Variants in ADAMTS8 observed in about 807,000 individuals in gnomAD.
ADAMTS8 encodes ADAM metallopeptidase with thrombospondin type 1 motif 8.
ADAMTS8 carries 50 observed loss-of-function variants against 64.4 expected under a neutral mutation model. The ratio of observed to expected loss-of-function variants is 0.78; its 90% CI spans 0.62 to 0.98. The LOEUF is 0.98. Among genes scored for constraint, ADAMTS8 ranks in the 50% least tolerant of loss-of-function variants. The probability of loss-of-function intolerance (pLI) is 0.00; values close to 1 mark genes in which losing one functional copy is unlikely to be tolerated. For synonymous variants in ADAMTS8, 556 were observed against 533.6 expected (o/e 1.04, Z -0.58); for missense variants, 1,192 against 1,208.2 (o/e 0.99, Z 0.20).
Position 130,416,647 on chromosome 11 carries a change from A to G in ADAMTS8, c.1096+293T>C, listed in dbSNP as rs1273612768. The stretch of plus-strand genomic sequence containing the variant: ...CACGGCTTAGCTTGTGCACAGCTCC[A>G]CGCCTCCACCCCAGCACGTGTCTGG... On this transcript the variant is annotated intron_variant, in intron 3 of 8. Coordinates refer to ENST00000257359, the MANE Select transcript of ADAMTS8 (RefSeq NM_007037.6). The surrounding 1 kb of genome is among the most constrained non-coding windows in gnomAD (Gnocchi z 4.8). 1.3e-5 allele frequency among the ~76,000 whole-genome samples: 2 copies of G among 151,954 alleles called. No homozygotes were observed. The highest frequency in any genetic ancestry group is 2.9e-5 in the Non-Finnish European group (2 of 67,978).
chr11:130,414,482 T>C (rs567914675), intron 5 of ADAMTS8, 49 bp downstream of exon 5: 1 of 1,531,972 alleles, frequency 6.5e-7, no homozygotes. Context: ...CCCCATTTCC[T>C]TTTGTTTCTC....
rs191284323 is a variant in ADAMTS8, at chr11:130,416,456, G to C, written c.1097-126C>G. On this transcript the variant is annotated intron_variant, in intron 3 of 8. Coordinates refer to ENST00000257359, the MANE Select transcript of ADAMTS8 (RefSeq NM_007037.6). This position sits in a 1 kb window ranked among gnomAD's most constrained non-coding sequence, Gnocchi z 4.8. ...CCCCTCACTCTCCGAAGATTTCTGC[G>C]TAGGGCTTTCCCCTGCGCTTTGCTC... is the stretch of plus-strand genomic sequence containing the variant. 1.6e-3 allele frequency: 1,730 copies of C among 1,101,252 alleles called. 22 individuals are homozygous for C. Among genetic ancestry groups the C allele is most frequent in the Middle Eastern group, 7.7e-3 (25 of 3,238 alleles). The allele number at this position is 1,101,252 out of a possible 1,614,324, so 68.2% of individuals were successfully genotyped here.
chr11:130,428,060 G>T lies in ADAMTS8; in HGVS notation c.227C>A (p.Ala76Glu), dbSNP rs768529823. 1 of 1,533,406 alleles carries T rather than the reference G, an allele frequency of 6.5e-7. No individual in the cohort carries two copies. Among genetic ancestry groups the T allele is most frequent in the Non-Finnish European group, 8.7e-7 (1 of 1,147,722 alleles). 95.0% of individuals were successfully genotyped at this position (1,533,406 alleles called of 1,614,324 possible). Reference sequence around the variant, plus strand: ...GAGGCGCTCGATCTTGAACTCGGGCGCTAGGAAGCTGTCGTCGGGCGCCAG... The same window carrying T: ...GAGGCGCTCGATCTTGAACTCGGGCTCTAGGAAGCTGTCGTCGGGCGCCAG... ...LRLAPDDSFL[A>E]PEFKIERLGG... is the part of the protein sequence containing the mutation. The change falls in exon 1 of 9, where the codon GCG (alanine) becomes GAG (glutamate). Residue 76 changes from alanine (A) to glutamate (E), a missense_variant. Around this residue, in one of 5 missense-constraint regions of ADAMTS8, gnomAD observed 741 missense variants for 710.6 expected, o/e 1.04. Coordinates refer to ENST00000257359, the MANE Select transcript of ADAMTS8 (RefSeq NM_007037.6).
chr11:130,410,902 T>G (rs1015530473), intron 6 of ADAMTS8, among the ~76,000 whole-genome samples: 1 of 152,198 alleles, frequency 6.6e-6, no homozygotes, highest in Non-Finnish European at 1.5e-5. Flanking sequence ...TCAGAAGGAA[T>G]GTGAACAGGA....
chr11:130,428,443 C>A lies in ADAMTS8; in HGVS notation c.-157G>T. 9.5e-7 allele frequency: 1 copy of A among 1,049,158 alleles called. No individual in the cohort carries two copies. The allele number at this position is 1,049,158 out of a possible 1,614,324, so 65.0% of individuals were successfully genotyped here. A position where few individuals can be genotyped will look rare whatever the true frequency, so the allele number is the denominator to read the frequency against. ...GGCCCGCGGGGCCCGGCGGCGGGAG[C>A]GCTCCCCCGGCGGCCCCTCTGGCTG... is the stretch of plus-strand genomic sequence containing the variant. On this transcript the variant is annotated 5_prime_UTR_variant, in exon 1 of 9. Transcript: ENST00000257359.
intron 6 of ADAMTS8, among the ~76,000 whole-genome samples, chr11:130,410,274 C>T (rs1213214880): frequency 6.6e-6 from 1 of 152,190 alleles, no homozygotes; most frequent in East Asian, 1.9e-4. Context: ...GGACTACAAG[C>T]TCCTTAGGGA....
chr11:130,417,575 C>A (rs1047858752), intron 2 of ADAMTS8, among the ~76,000 whole-genome samples: 5 of 151,454 alleles, frequency 3.3e-5, no homozygotes, highest in African/African-American at 9.7e-5. Context: ...ACTTTAGAGA[C>A]GAGGTCTGGC....
At chr11:130,414,914 A>G (rs1862002475) in intron 4 of ADAMTS8, 82 bp from the exon 5 acceptor site, 2 of 1,390,896 alleles carry the variant, frequency 1.4e-6, no homozygotes, top group South Asian at 2.9e-5. Context: ...GATGGATGGC[A>G]CTGAAGGTCT....
In ADAMTS8 at chr11:130,411,593, G is replaced by A. The variant is rs2131535; in HGVS notation, c.1574C>T (p.Ala525Val). 1,181,977 of 1,613,500 alleles carry A rather than the reference G, an allele frequency of 0.73. 434,669 individuals are homozygous for A. The highest frequency in any genetic ancestry group is 0.8 in the Admixed American group (48,281 of 60,014). Residue 525 changes from alanine (A) to valine (V), a missense_variant, in exon 6 of 9, where the codon GCA (alanine) becomes GTA (valine). Physicochemically the swap from Ala to Val is moderately conservative, Grantham distance 64 (BLOSUM62 0). Transcript: ENST00000257359. The surrounding 1 kb of genome is among the most constrained non-coding windows in gnomAD (Gnocchi z 4.2). The stretch of plus-strand genomic sequence containing the variant: ...TCCCCACGGTGCCCAGCCTCCATCT[G>A]CCACGGGCTGCAACATACAATGGCA... ...EEEVERPKPV[A>V]DGGWAPWGPW...
In ADAMTS8 at chr11:130,411,851, G is replaced by T; in HGVS notation, c.1567-251C>A. ...AAAACAGTGCCTTATGCTTAGTAAG[G>T]TGCTCAATAGGCTATCTGCTGAATG... On this transcript the variant is annotated intron_variant, in intron 5 of 8. Transcript: ENST00000257359. This position sits in a 1 kb window ranked among gnomAD's most constrained non-coding sequence, Gnocchi z 4.2. 2.0e-6 allele frequency: 1 copy of T among 503,836 alleles called. No homozygotes were observed. The highest frequency in any genetic ancestry group is 3.0e-5 in the South Asian group (1 of 33,562). The allele number at this position is 503,836 out of a possible 1,614,324, so 31.2% of individuals were successfully genotyped here.
In ADAMTS8 at chr11:130,405,029, C is replaced by A; in HGVS notation, c.*529G>T. The A allele has an allele frequency of 1.0e-6, 1 of 986,976 alleles. No homozygotes were observed. 61.1% of individuals were successfully genotyped at this position (986,976 alleles called of 1,614,324 possible). A position where few individuals can be genotyped will look rare whatever the true frequency, so the allele number is the denominator to read the frequency against. ...AGAACATGTGGCTCTCCAAACCCTGCGACGCTGCGGCCCTTTAGGTGATGG... is the reference window on the plus strand; with the variant it reads ...AGAACATGTGGCTCTCCAAACCCTGAGACGCTGCGGCCCTTTAGGTGATGG... On this transcript the variant is annotated 3_prime_UTR_variant, in exon 9 of 9. Coordinates refer to ENST00000257359, the MANE Select transcript of ADAMTS8 (RefSeq NM_007037.6).
rs3214972 is a variant in ADAMTS8, at chr11:130,405,214, A to AT, written c.*343dup. ...TTATTTATCGGGGAAACCAGATAGA[A>AT]TTTTTTTTTTCATTTAAGTTTGCTA... On this transcript the variant is annotated 3_prime_UTR_variant, in exon 9 of 9. Transcript: ENST00000257359. 7.3e-4 allele frequency: 760 copies of AT among 1,042,668 alleles called. No homozygotes were observed. Among genetic ancestry groups the AT allele is most frequent in the East Asian group, 4.8e-3 (70 of 14,556 alleles). The allele number at this position is 1,042,668 out of a possible 1,614,324, so 64.6% of individuals were successfully genotyped here.
intron 7 of ADAMTS8, 51 bp from the exon 8 acceptor site, chr11:130,408,690 GC>G (rs764724133): frequency 1.2e-6 from 2 of 1,611,790 alleles, no homozygotes; most frequent in African/African-American, 2.7e-5. Flanking sequence ...CACAGAAGCA[GC>G]CTGCCGGGGG....
At chr11:130,418,404 G>T (rs973699608) in intron 2 of ADAMTS8, among the ~76,000 whole-genome samples, 5 of 152,136 alleles carry the variant, frequency 3.3e-5, no homozygotes, top group African/African-American at 9.7e-5. Flanking sequence ...GCTTTTTGTG[G>T]GGACAGGACA....
At position 130,416,445 on chromosome 11, in the gene ADAMTS8, A is replaced by G; in HGVS notation, c.1097-115T>C. 1 of 1,217,126 alleles carries G rather than the reference A, an allele frequency of 8.2e-7. No individual in the cohort carries two copies. Among genetic ancestry groups the G allele is most frequent in the East Asian group, 2.6e-5 (1 of 38,726 alleles). The allele number at this position is 1,217,126 out of a possible 1,614,324, so 75.4% of individuals were successfully genotyped here. A position where few individuals can be genotyped will look rare whatever the true frequency, so the allele number is the denominator to read the frequency against. ...GGAGCAGCCACCCCCTCACTCTCCGAAGATTTCTGCGTAGGGCTTTCCCCT... is the reference window on the plus strand; with the variant it reads ...GGAGCAGCCACCCCCTCACTCTCCGGAGATTTCTGCGTAGGGCTTTCCCCT... On this transcript the variant is annotated intron_variant, in intron 3 of 8. Coordinates refer to ENST00000257359, the MANE Select transcript of ADAMTS8 (RefSeq NM_007037.6). The surrounding 1 kb of genome is among the most constrained non-coding windows in gnomAD (Gnocchi z 4.8).
At position 130,411,622 on chromosome 11, in the gene ADAMTS8, T is replaced by C. The variant is rs753910484; in HGVS notation, c.1567-22A>G. The C allele has an allele frequency of 6.2e-7, 1 of 1,612,804 alleles. No homozygotes were observed. Among genetic ancestry groups the C allele is most frequent in the Non-Finnish European group, 8.5e-7 (1 of 1,179,164 alleles). ...CGGGCTGCAACATACAATGGCACACTGAATGAGGAGCAAAGGCCAGGAGGC... is the reference window on the plus strand; with the variant it reads ...CGGGCTGCAACATACAATGGCACACCGAATGAGGAGCAAAGGCCAGGAGGC... On this transcript the variant is annotated intron_variant, in intron 5 of 8. Transcript: ENST00000257359. This position sits in a 1 kb window ranked among gnomAD's most constrained non-coding sequence, Gnocchi z 4.2.
Position 130,411,621 on chromosome 11 carries a change from C to G in ADAMTS8, c.1567-21G>C. The G allele has an allele frequency of 6.2e-7, 1 of 1,612,910 alleles. No individual in the cohort carries two copies. Among genetic ancestry groups the G allele is most frequent in the Non-Finnish European group, 8.5e-7 (1 of 1,179,230 alleles). On this transcript the variant is annotated intron_variant, in intron 5 of 8. Coordinates refer to ENST00000257359, the MANE Select transcript of ADAMTS8 (RefSeq NM_007037.6). The surrounding 1 kb of genome is among the most constrained non-coding windows in gnomAD (Gnocchi z 4.2). ...ACGGGCTGCAACATACAATGGCACA[C>G]TGAATGAGGAGCAAAGGCCAGGAGG...
At chr11:130,406,274 A>G (rs1746891808) in intron 8 of ADAMTS8, 146 bp from the exon 9 acceptor site, 2 of 1,010,794 alleles carry the variant, frequency 2.0e-6, no homozygotes, top group Admixed American at 5.6e-5. Context: ...CAAAGTTCTC[A>G]ATAAATTAGC....
chr11:130,428,179 CTGCCCCCCGGCTGCGGGCCGGGCCGG>C lies in ADAMTS8; in HGVS notation c.82_107del (p.Pro28GlyfsTer163). The C allele has an allele frequency of 7.5e-7, 1 of 1,334,934 alleles. No homozygotes were observed. Among genetic ancestry groups the C allele is most frequent in the Non-Finnish European group, 9.5e-7 (1 of 1,052,118 alleles). The allele number at this position is 1,334,934 out of a possible 1,614,324, so 82.7% of individuals were successfully genotyped here. The stretch of plus-strand genomic sequence containing the variant: ...GCGTGGGCACCACCAGCTCCGAGGC[CTGCCCCCCGGCTGCGGGCCGGGCCGG>C]GGCGCCGCGGGCCAGCGGCAGCAGC... On this transcript the variant is annotated frameshift_variant, in exon 1 of 9. Transcript: ENST00000257359. LOFTEE classifies it high-confidence loss of function.
Sources: gnomAD v4.1 joint callset for allele counts (sites outside exome capture counted in the v4.1 genomes callset) on GRCh38, gnomAD v4.1.1 for gene constraint, gnomAD v4.1.1 regional missense constraint, Gnocchi (gnomAD v3.1) non-coding constraint, MANE v1.5 for transcripts, NCBI Gene and HGNC (gene_info 2026-07-23, HGNC 2026-07-21) for gene names.